The following LUZP2 variants were observed in gnomAD, a reference collection of about 807,000 sequenced individuals.
LUZP2 encodes leucine zipper protein 2.
A neutral mutation model predicts 51.6 loss-of-function variants in LUZP2; 52 were observed. The observed-to-expected ratio is 1.01, with a 90% CI of 0.81 to 1.27. The LOEUF is 1.27. Among genes scored for constraint, LUZP2 ranks in the 50% most tolerant of loss-of-function variants. The probability of loss-of-function intolerance (pLI) is 0.00; values close to 1 mark genes in which losing one functional copy is unlikely to be tolerated. For synonymous variants in LUZP2, 154 were observed against 137.3 expected, an observed-to-expected ratio of 1.12 and a Z score of -0.85; for missense variants, 436 against 395.4, an observed-to-expected ratio of 1.10 and a Z score of -0.87.
chr11:24,959,500 T>G (rs1005314239), intron 7 of LUZP2, among the ~76,000 whole-genome samples: 4 of 152,152 alleles, frequency 2.6e-5, no homozygotes, highest in African/African-American at 7.2e-5. Context: ...CCTAGGTATT[T>G]TATTCTCTTT....
intron 5 of LUZP2, among the ~76,000 whole-genome samples, chr11:24,902,788 G>T (rs972942613): frequency 6.6e-6 from 1 of 152,062 alleles, no homozygotes; most frequent in African/African-American, 2.4e-5. Context: ...AAGGATAAAA[G>T]TTAGTATTTG....
chr11:24,576,256 C>CA (rs199713540), intron 1 of LUZP2, among the ~76,000 whole-genome samples: 27,679 of 150,956 alleles, frequency 0.18, 2,894 homozygotes, highest in African/African-American at 0.27. Context: ...ACTAAAGATA[C>CA]AAAAAAATTA....
At position 24,611,114 on chromosome 11, in the gene LUZP2, A is replaced by G. The variant is rs2133887067; in HGVS notation, c.62+113809A>G. ...TTTTGTTTTGGCTATCCGAAGTAAC[A>G]TATAAGTGACTTTTATTTATATTAC... On this transcript the variant is annotated intron_variant, in intron 1 of 11. Coordinates refer to ENST00000336930, the MANE Select transcript of LUZP2 (RefSeq NM_001009909.4). This position sits in a 1 kb window ranked among gnomAD's most constrained non-coding sequence, Gnocchi z 4.6. Among the ~76,000 whole-genome samples, 1 of 152,038 alleles carries G rather than the reference A, an allele frequency of 6.6e-6. No individual in the cohort carries two copies. The highest frequency in any genetic ancestry group is 1.9e-4 in the East Asian group (1 of 5,168).
Position 24,915,668 on chromosome 11 carries a change from T to TA in LUZP2, c.522+1130_522+1131insA, listed in dbSNP as rs1365019476. On this transcript the variant is annotated intron_variant, in intron 7 of 11. Transcript: ENST00000336930. ...GATGATAGACAGATAGATAGATAGA[T>TA]GATAGATAGATAGATGGATAGATAG... 4.2e-3 allele frequency among the ~76,000 whole-genome samples: 628 copies of TA among 150,740 alleles called. 2 individuals carry two copies. The highest frequency in any genetic ancestry group is 0.014 in the African/African-American group (583 of 41,072).
intron 1 of LUZP2, among the ~76,000 whole-genome samples, chr11:24,682,723 T>G (rs1052102591): frequency 6.6e-6 from 1 of 151,482 alleles, no homozygotes; most frequent in African/African-American, 2.4e-5. Context: ...ATAATGTTAG[T>G]GGCCAGGTGC....
intron 5 of LUZP2, among the ~76,000 whole-genome samples, chr11:24,903,893 C>G (rs746765393): frequency 5.9e-5 from 9 of 152,148 alleles, no homozygotes; most frequent in Non-Finnish European, 1.2e-4. Flanking sequence ...TGTGTATACT[C>G]ATTCAGAAAG....
intron 1 of LUZP2, among the ~76,000 whole-genome samples, chr11:24,568,296 G>A (rs191867108): frequency 6.8e-6 from 1 of 147,502 alleles, no homozygotes; most frequent in African/African-American, 2.5e-5. Flanking sequence ...GGAGGCAAAG[G>A]TTGCAGTAAG....
intron 1 of LUZP2, among the ~76,000 whole-genome samples, chr11:24,522,313 T>G (rs936268289): frequency 6.6e-5 from 10 of 151,884 alleles, no homozygotes; most frequent in Admixed American, 3.3e-4. Context: ...CTTTTTTAAG[T>G]TTCTGTCTTA....
chr11:25,018,302 CT>C (rs1857224454), intron 9 of LUZP2, among the ~76,000 whole-genome samples: 1 of 152,070 alleles, frequency 6.6e-6, no homozygotes, highest in African/African-American at 2.4e-5. Flanking sequence ...CTATTTCTTT[CT>C]CTTGGCTGAT....
At chr11:24,860,945 G>T (rs1182929514) in intron 5 of LUZP2, among the ~76,000 whole-genome samples, 1 of 152,192 alleles carries the variant, frequency 6.6e-6, no homozygotes, top group Non-Finnish European at 1.5e-5. Flanking sequence ...TGCAGAACTG[G>T]ATGGAGGATC....
intron 1 of LUZP2, among the ~76,000 whole-genome samples, chr11:24,595,181 G>GA (rs34188144): frequency 0.93 from 134,087 of 143,988 alleles, 62,875 homozygotes; most frequent in Non-Finnish European, 0.99. Context: ...ATTAGATTCT[G>GA]AAAAAAAAAA....
chr11:24,952,765 A>G (rs1855113811), intron 7 of LUZP2, among the ~76,000 whole-genome samples: 1 of 151,944 alleles, frequency 6.6e-6, no homozygotes, highest in South Asian at 2.1e-4. Context: ...GACTTATATA[A>G]ATTGATCAGA....
chr11:24,920,853 A>C (rs1053399573), intron 7 of LUZP2, among the ~76,000 whole-genome samples: 3 of 152,166 alleles, frequency 2.0e-5, no homozygotes, highest in African/African-American at 7.2e-5. Context: ...CATGTACATT[A>C]TTTGAGTGAT....
rs533056850 is a variant in LUZP2, at chr11:24,762,251, A to G, written c.334-995A>G. ...ACCTGGATCGTGAGTCTCTTTTATC[A>G]TTTCAGGAAACTTCTAAGAATACAT... On this transcript the variant is annotated intron_variant, in intron 4 of 11. Coordinates refer to ENST00000336930, the MANE Select transcript of LUZP2 (RefSeq NM_001009909.4). Among the ~76,000 whole-genome samples, 31 of 152,234 alleles carry G rather than the reference A, an allele frequency of 2.0e-4. No individual in the cohort carries two copies. The South Asian group carries it at 6.4e-3, about 32-fold the overall frequency.
intron 1 of LUZP2, among the ~76,000 whole-genome samples, chr11:24,572,977 T>A (rs1352892068): frequency 6.6e-6 from 1 of 152,052 alleles, no homozygotes; most frequent in East Asian, 1.9e-4. Flanking sequence ...TTATAAGTAG[T>A]TAATTCCAAA....
chr11:24,776,168 A>C (rs1178762759), intron 5 of LUZP2, among the ~76,000 whole-genome samples: 1 of 152,198 alleles, frequency 6.6e-6, no homozygotes, highest in Non-Finnish European at 1.5e-5. Flanking sequence ...TCTAATTATC[A>C]CTTTTAGACA....
chr11:24,762,908 C>A (rs1250075965), intron 4 of LUZP2: 1 of 790,506 alleles, frequency 1.3e-6, no homozygotes, highest in African/African-American at 1.9e-5. Flanking sequence ...CTAGGTTCAA[C>A]TCTAGAATCT....
Position 24,961,328 on chromosome 11 carries a change from T to C in LUZP2, c.523-15263T>C, listed in dbSNP as rs191575315. Reference sequence around the variant, plus strand: ...GTTAACTTTTTGTCTTGTTGATCTGTCTAATGTTGACAGTGGGGTGTTAAA... The same window carrying C: ...GTTAACTTTTTGTCTTGTTGATCTGCCTAATGTTGACAGTGGGGTGTTAAA... On this transcript the variant is annotated intron_variant, in intron 7 of 11. Transcript: ENST00000336930. 1.4e-4 allele frequency among the ~76,000 whole-genome samples: 21 copies of C among 152,324 alleles called. No individual in the cohort carries two copies. In the East Asian group the frequency reaches 4.0e-3, roughly 29 times the overall value.
At position 24,774,362 on chromosome 11, in the gene LUZP2, C is replaced by CTCTCTCTCTATA. The variant is rs776739280; in HGVS notation, c.396+11055_396+11056insCTCTCTCTATAT. On this transcript the variant is annotated intron_variant, in intron 5 of 11. Coordinates refer to ENST00000336930, the MANE Select transcript of LUZP2 (RefSeq NM_001009909.4). ...TCTCTCTCTCTCTCTCTCTCTCTCT[C>CTCTCTCTCTATA]TATATATATATATATATATACATAC... Among the ~76,000 whole-genome samples, 590 of 76,150 alleles carry CTCTCTCTCTATA rather than the reference C, an allele frequency of 7.7e-3. 9 individuals carry two copies. The highest frequency in any genetic ancestry group is 9.6e-3 in the Non-Finnish European group (399 of 41,720). 50.0% of individuals were successfully genotyped at this position (76,150 alleles called of 152,430 possible). A position where few individuals can be genotyped will look rare whatever the true frequency, so the allele number is the denominator to read the frequency against.
Sources: gnomAD v4.1 joint callset for allele counts (sites outside exome capture counted in the v4.1 genomes callset) on GRCh38, gnomAD v4.1.1 for gene constraint, Gnocchi (gnomAD v3.1) non-coding constraint, MANE v1.5 for transcripts, NCBI Gene and HGNC (gene_info 2026-07-23, HGNC 2026-07-21) for gene names.